IRS1: variants seen among roughly 807,000 people sequenced by gnomAD.
IRS1 encodes the protein insulin receptor substrate 1.
IRS1 carries 34 observed loss-of-function variants against 65.6 expected under a neutral mutation model. That is an observed-to-expected ratio of 0.52 (90% CI 0.39 to 0.69). IRS1 has a LOEUF of 0.69. Ranked by LOEUF, IRS1 falls within the 30% of genes least tolerant of loss-of-function variation. The pLI is 0.00. For missense variants in IRS1, 1,641 were observed against 1,720.2 expected (o/e 0.95, Z 0.81); for synonymous variants, 699 against 683.5 (o/e 1.02, Z -0.35).
chr2:226,797,746 G>A lies in IRS1; in HGVS notation c.993C>T (p.Asp331=), dbSNP rs1400261100. 2 of 1,596,016 alleles carry A rather than the reference G, an allele frequency of 1.3e-6. No individual in the cohort carries two copies. The highest frequency in any genetic ancestry group is 2.2e-5 in the East Asian group (1 of 44,812). Residue 331 remains aspartate (D), a synonymous_variant, in exon 1 of 2, where the codon GAC becomes GAT. Transcript: ENST00000305123. This position sits in a 1 kb window ranked among gnomAD's most constrained non-coding sequence, Gnocchi z 8.1. ...CTGGGCGGGACATGGTGCCTTCGCC[G>A]TCACTGGAGGCGCGGACACGGAAGG... is the stretch of plus-strand genomic sequence containing the variant. The part of the protein sequence containing the change: ...PGSFRVRASS[D]GEGTMSRPAS...
In IRS1 at chr2:226,795,079, G is replaced by T. The variant is rs755311653; in HGVS notation, c.3660C>A (p.Arg1220=). ...AGGCGCTTAAATCCTCACTTGAGCG[G>T]CGGGTGGAGCTGCTCTCACCGCTGC... ...PLGSGESSST[R]RSSEDLSAYA... is the part of the protein sequence containing the mutation. The change falls in exon 1 of 2, where the codon CGC becomes CGA. Residue 1220 remains arginine, a synonymous_variant. Transcript: ENST00000305123. 13 of 1,611,694 alleles carry T rather than the reference G, an allele frequency of 8.1e-6. No individual in the cohort carries two copies. Among genetic ancestry groups the T allele is most frequent in the Non-Finnish European group, 1.1e-5 (13 of 1,179,538 alleles).
chr2:226,796,368 G>A lies in IRS1; in HGVS notation c.2371C>T (p.Leu791Phe), dbSNP rs1369707734. 2 of 1,613,268 alleles carry A rather than the reference G, an allele frequency of 1.2e-6. No individual in the cohort carries two copies. Among genetic ancestry groups the A allele is most frequent in the African/African-American group, 2.7e-5 (2 of 74,960 alleles). Residue 791 changes from leucine (L) to phenylalanine (F), a missense_variant, in exon 1 of 2, where the codon CTT becomes TTT. By Grantham distance (22) the Leu-to-Phe change is conservative. This residue lies in a region of IRS1 where 1,324 missense variants were observed against 1,361.0 expected (regional missense o/e 0.97). Transcript: ENST00000305123. ...EEGARHQHLR[L>F]STSSGRLLYA... ...AGAAGGCGACCAGAGCTAGTGGAAA[G>A]GCGGAGGTGCTGATGCCGGGCACCC...
intron 1 of IRS1, among the ~76,000 whole-genome samples, chr2:226,762,197 T>C (rs1046942528): frequency 1.3e-5 from 2 of 152,192 alleles, no homozygotes; most frequent in African/African-American, 4.8e-5. Context: ...ACTATAAATA[T>C]GCTCTATCAC....
intron 1 of IRS1, among the ~76,000 whole-genome samples, chr2:226,777,088 T>C (rs941113636): frequency 1.5e-4 from 23 of 152,176 alleles, no homozygotes; most frequent in African/African-American, 5.3e-4. Context: ...GTATCCTGGA[T>C]GAGACCCTAG....
intron 1 of IRS1, among the ~76,000 whole-genome samples, chr2:226,788,074 A>ATTT (rs1939519400): frequency 6.6e-6 from 1 of 152,152 alleles, no homozygotes; most frequent in Admixed American, 6.5e-5. Flanking sequence ...ACTTCTCAAG[A>ATTT]TTAAGTGATA....
chr2:226,786,205 C>T (rs1192147238), intron 1 of IRS1, among the ~76,000 whole-genome samples: 2 of 150,856 alleles, frequency 1.3e-5, no homozygotes, highest in Admixed American at 6.6e-5. Flanking sequence ...AGTAAACATA[C>T]GTGTGCGTGT....
intron 1 of IRS1, among the ~76,000 whole-genome samples, chr2:226,743,608 C>T (rs1252312599): frequency 6.6e-6 from 1 of 152,132 alleles, no homozygotes; most frequent in Admixed American, 6.5e-5. Context: ...ACAGAATATT[C>T]CCTACTAAGT....
At chr2:226,779,210 C>T (rs897360038) in intron 1 of IRS1, among the ~76,000 whole-genome samples, 1 of 152,170 alleles carries the variant, frequency 6.6e-6, no homozygotes, top group East Asian at 1.9e-4. Flanking sequence ...ATTACAACAG[C>T]TTACTTCTGC....
chr2:226,774,091 C>T (rs144075208), intron 1 of IRS1, among the ~76,000 whole-genome samples: 22 of 152,200 alleles, frequency 1.4e-4, no homozygotes, highest in African/African-American at 5.3e-4. Context: ...TTCCAGATTC[C>T]CACTGGACGT....
chr2:226,744,654 G>A (rs557109513), intron 1 of IRS1, among the ~76,000 whole-genome samples: 5 of 152,216 alleles, frequency 3.3e-5, no homozygotes, highest in East Asian at 1.9e-4. Context: ...ATCATGAACC[G>A]TGTATGCAAG....
At chr2:226,768,606 C>T (rs910992828) in intron 1 of IRS1, among the ~76,000 whole-genome samples, 2 of 152,126 alleles carry the variant, frequency 1.3e-5, no homozygotes, top group African/African-American at 4.8e-5. Context: ...TCCTCTGTAC[C>T]TGCTGACCTT....
intron 1 of IRS1, among the ~76,000 whole-genome samples, chr2:226,763,911 A>G (rs999375046): frequency 1.6e-4 from 24 of 152,140 alleles, no homozygotes; most frequent in Admixed American, 5.2e-4. Flanking sequence ...AATCCATCCT[A>G]TGATAATCTT....
intron 1 of IRS1, among the ~76,000 whole-genome samples, chr2:226,767,019 TAA>T (rs766001654): frequency 3.5e-5 from 5 of 141,322 alleles, no homozygotes; most frequent in Non-Finnish European, 3.1e-5. Context: ...AAAATCAAGT[TAA>T]AAAAAAAAAA....
intron 1 of IRS1, among the ~76,000 whole-genome samples, chr2:226,770,569 G>A (rs898424944): frequency 2.0e-5 from 3 of 152,124 alleles, no homozygotes; most frequent in Non-Finnish European, 4.4e-5. Flanking sequence ...TCAAATGAAT[G>A]AACAATGACA....
chr2:226,752,882 C>A (rs972985500), intron 1 of IRS1, among the ~76,000 whole-genome samples: 1 of 152,246 alleles, frequency 6.6e-6, no homozygotes, highest in Non-Finnish European at 1.5e-5. Context: ...ATCAGCCTCA[C>A]TGAGCTGCGG....
At chr2:226,755,220 G>A (rs1938771308) in intron 1 of IRS1, among the ~76,000 whole-genome samples, 1 of 152,180 alleles carries the variant, frequency 6.6e-6, no homozygotes, top group South Asian at 2.1e-4. Flanking sequence ...GTAAATAAAA[G>A]TCCTTTGACG....
Position 226,797,110 on chromosome 2 carries a change from G to T in IRS1, c.1629C>A (p.Ser543=), listed in dbSNP as rs1308333786. 1.9e-5 allele frequency: 30 copies of T among 1,613,804 alleles called. No individual in the cohort carries two copies. The highest frequency in any genetic ancestry group is 2.5e-5 in the Non-Finnish European group (29 of 1,180,020). ...TGTACTCCTCAATGGAAGCCACTGA[G>T]GACTGGGACGGGGTCTTCTGGTGGG... ...TITHQKTPSQ[S]SVASIEEYTE... Residue 543 remains serine, a synonymous_variant, in exon 1 of 2, where the codon TCC becomes TCA. Coordinates refer to ENST00000305123, the MANE Select transcript of IRS1 (RefSeq NM_005544.3). The surrounding 1 kb of genome is among the most constrained non-coding windows in gnomAD (Gnocchi z 8.1).
intron 1 of IRS1, among the ~76,000 whole-genome samples, chr2:226,774,560 G>T (rs573485463): frequency 2.3e-3 from 353 of 152,192 alleles, no homozygotes; most frequent in African/African-American, 8.2e-3. Context: ...TTCAAGGTTT[G>T]GGAAAGAGCC....
In IRS1 at chr2:226,795,405, G is replaced by A. The variant is rs201918946; in HGVS notation, c.3334C>T (p.Arg1112Trp). The A allele has an allele frequency of 6.6e-5, 106 of 1,613,262 alleles. No homozygotes were observed. Among genetic ancestry groups the A allele is most frequent in the Non-Finnish European group, 3.3e-5 (39 of 1,180,004 alleles). Residue 1112 changes from arginine (R) to tryptophan (W), a missense_variant, in exon 1 of 2, where the codon CGG becomes TGG. Arg to Trp is a moderately radical substitution (Grantham distance 101). Around this residue, in one of 3 missense-constraint regions of IRS1, gnomAD observed 1,324 missense variants for 1,361.0 expected, o/e 0.97. Coordinates refer to ENST00000305123, the MANE Select transcript of IRS1 (RefSeq NM_005544.3). ...CCAAAGGGCACTGTGTTGCCCACCCGGGTGGCACTGGGTGTTGAGGAGAAA... is the reference window on the plus strand; with the variant it reads ...CCAAAGGGCACTGTGTTGCCCACCCAGGTGGCACTGGGTGTTGAGGAGAAA... Reference protein sequence around the residue: ...ETFSSTPSATRVGNTVPFGAG... With the variant: ...ETFSSTPSATWVGNTVPFGAG...
Sources: gnomAD v4.1 joint callset for allele counts (sites outside exome capture counted in the v4.1 genomes callset) on GRCh38, gnomAD v4.1.1 for gene constraint, gnomAD v4.1.1 regional missense constraint, Gnocchi (gnomAD v3.1) non-coding constraint, MANE v1.5 for transcripts, NCBI Gene and HGNC (gene_info 2026-07-23, HGNC 2026-07-21) for gene names.